Variants in STAG1 observed in about 807,000 individuals in gnomAD.
STAG1 encodes the protein cohesin subunit SA-1.
A neutral mutation model predicts 170.9 loss-of-function variants in STAG1; 26 were observed. The ratio of observed to expected loss-of-function variants is 0.15; its 90% CI spans 0.11 to 0.21. STAG1 has a LOEUF of 0.21. Among genes scored for constraint, STAG1 ranks in the 10% least tolerant of loss-of-function variants. The probability of loss-of-function intolerance (pLI) is 1.00; values close to 1 mark genes in which losing one functional copy is unlikely to be tolerated. For synonymous variants in STAG1, 514 were observed against 497.7 expected, an observed-to-expected ratio of 1.03 and a Z score of -0.44; for missense variants, 964 against 1,509.5, an observed-to-expected ratio of 0.64 and a Z score of 5.99.
chr3:136,454,024 G>A (rs1328957479), intron 13 of STAG1, among the ~76,000 whole-genome samples: 1 of 152,110 alleles, frequency 6.6e-6, no homozygotes, highest in Non-Finnish European at 1.5e-5. Context: ...AGAAGGTTCT[G>A]TTTAATGGGT....
intron 7 of STAG1, among the ~76,000 whole-genome samples, chr3:136,515,259 G>C (rs1934302180): frequency 2.6e-5 from 4 of 152,082 alleles, no homozygotes; most frequent in Non-Finnish European, 5.9e-5. Context: ...CAGCTACTCG[G>C]GAGGCTGAGG....
intron 21 of STAG1, among the ~76,000 whole-genome samples, chr3:136,409,175 A>C (rs767152546): frequency 9.2e-5 from 14 of 151,976 alleles, no homozygotes; most frequent in Non-Finnish European, 2.1e-4. Flanking sequence ...GAGGCAGGAG[A>C]ATTGGTTGAA....
At chr3:136,394,938 C>CAAA (rs778204800) in intron 22 of STAG1, among the ~76,000 whole-genome samples, 7 of 59,264 alleles carry the variant, frequency 1.2e-4, no homozygotes, top group Admixed American at 1.9e-4. Flanking sequence ...GACTCTGTCT[C>CAAA]AAAAAAAAAA....
intron 14 of STAG1, 25 bp downstream of exon 14, chr3:136,452,008 G>C: frequency 7.1e-7 from 1 of 1,400,782 alleles, no homozygotes; most frequent in Non-Finnish European, 9.9e-7. Flanking sequence ...AAAGAAATAA[G>C]GAATTATCTT....
At chr3:136,704,256 G>A (rs564477219) in intron 1 of STAG1, among the ~76,000 whole-genome samples, 10 of 151,612 alleles carry the variant, frequency 6.6e-5, no homozygotes, top group African/African-American at 2.2e-4. Context: ...TCACCATGTT[G>A]GCCAGGCTAG....
intron 1 of STAG1, among the ~76,000 whole-genome samples, chr3:136,645,500 A>G (rs7621970): frequency 0.36 from 55,295 of 152,014 alleles, 11,111 homozygotes; most frequent in African/African-American, 0.52. Flanking sequence ...ATACCTCTAG[A>G]TCTCAACATT....
intron 15 of STAG1, among the ~76,000 whole-genome samples, chr3:136,438,925 G>A (rs2088542304): frequency 6.6e-6 from 1 of 151,972 alleles, no homozygotes; most frequent in Non-Finnish European, 1.5e-5. Flanking sequence ...AGCCAGGTGT[G>A]GTGGCTCATT....
intron 3 of STAG1, among the ~76,000 whole-genome samples, chr3:136,608,535 C>T (rs955912468): frequency 1.4e-4 from 11 of 76,224 alleles, no homozygotes; most frequent in South Asian, 7.8e-4. Flanking sequence ...AAAAACAAAA[C>T]AACAAAAAGA....
Position 136,521,259 on chromosome 3 carries a change from C to T in STAG1, c.630G>A (p.Leu210=), listed in dbSNP as rs772057685. ...TAAAAGCTCTGACCTGGGAGTCTGA[C>T]AAACCCGTCAAAAGGGAGATTACTG... ...MDTVISLLTG[L]SDSQVRAFRH... is the part of the protein sequence containing the mutation. The change falls in exon 7 of 34, where the codon TTG becomes TTA. Residue 210 remains leucine (L), a synonymous_variant. Transcript: ENST00000383202. The T allele has an allele frequency of 1.2e-6, 2 of 1,613,614 alleles. No homozygotes were observed. Among genetic ancestry groups the T allele is most frequent in the African/African-American group, 1.3e-5 (1 of 74,872 alleles).
intron 1 of STAG1, among the ~76,000 whole-genome samples, chr3:136,685,322 C>CA (rs538799572): frequency 9.2e-6 from 1 of 108,606 alleles, no homozygotes; most frequent in African/African-American, 3.8e-5. Context: ...TCTCCAAAAA[C>CA]AAACAAACAA....
chr3:136,527,065 T>C (rs965539748), intron 6 of STAG1, among the ~76,000 whole-genome samples: 2 of 152,222 alleles, frequency 1.3e-5, no homozygotes, highest in South Asian at 2.1e-4. Context: ...CTGACAATTA[T>C]GTGTCTTGGA....
At chr3:136,580,350 T>C (rs1937564752) in intron 4 of STAG1, among the ~76,000 whole-genome samples, 1 of 151,878 alleles carries the variant, frequency 6.6e-6, no homozygotes, top group African/African-American at 2.4e-5. Context: ...CAATAAATAC[T>C]AGGTAAATAA....
intron 28 of STAG1, among the ~76,000 whole-genome samples, chr3:136,354,341 G>A (rs939087471): frequency 6.6e-6 from 1 of 152,182 alleles, no homozygotes; most frequent in African/African-American, 2.4e-5. Context: ...CGTCCAGGGT[G>A]GAGTGCAGTG....
At chr3:136,534,296 A>T (rs1935516194) in intron 6 of STAG1, among the ~76,000 whole-genome samples, 1 of 152,184 alleles carries the variant, frequency 6.6e-6, no homozygotes, top group Non-Finnish European at 1.5e-5. Flanking sequence ...AACCTATAAA[A>T]CTAGTAGAAG....
rs906030570 is a variant in STAG1, at chr3:136,591,059, TTATTA to T, written c.297+13245_297+13249del. Among the ~76,000 whole-genome samples, 6 of 151,466 alleles carry T rather than the reference TTATTA, an allele frequency of 4.0e-5. No individual in the cohort carries two copies. In the South Asian group the frequency reaches 6.2e-4, roughly 16 times the overall value. ...TTTCACTTTATGCTTTCCCCATATT[TTATTA>T]TATTTCATTAGATTTGTTATATTAA... On this transcript the variant is annotated intron_variant, in intron 4 of 33. Coordinates refer to ENST00000383202, the MANE Select transcript of STAG1 (RefSeq NM_005862.3).
intron 1 of STAG1, among the ~76,000 whole-genome samples, chr3:136,711,725 A>G (rs919250887): frequency 1.3e-5 from 2 of 152,146 alleles, no homozygotes; most frequent in African/African-American, 4.8e-5. Flanking sequence ...TGAAAACACA[A>G]CACTCCAGAG....
intron 28 of STAG1, among the ~76,000 whole-genome samples, chr3:136,351,062 A>G (rs1936416428): frequency 6.6e-6 from 1 of 152,164 alleles, no homozygotes; most frequent in African/African-American, 2.4e-5. Context: ...AATATATATT[A>G]TTTTTTAAAA....
intron 1 of STAG1, among the ~76,000 whole-genome samples, chr3:136,729,830 C>T (rs1576822603): frequency 1.3e-5 from 2 of 149,952 alleles, no homozygotes; most frequent in Middle Eastern, 3.6e-3. Flanking sequence ...CCACCCACCT[C>T]GCCCTCTCAA....
Position 136,343,870 on chromosome 3 carries a change from A to G in STAG1, c.3408T>C (p.Pro1136=). 1.9e-6 allele frequency: 3 copies of G among 1,597,802 alleles called. No individual in the cohort carries two copies. Among genetic ancestry groups the G allele is most frequent in the Non-Finnish European group, 2.6e-6 (3 of 1,172,794 alleles). ...CTGGTTCAGAACCATGTTCAGACTC[A>G]GGTTCTTGAATCTGGTCTCCCATGG... The part of the protein sequence containing the change: ...SRPMGDQIQE[P]ESEHGSEPDF... Residue 1136 remains proline, a synonymous_variant, in exon 30 of 34, where the codon CCT becomes CCC. Coordinates refer to ENST00000383202, the MANE Select transcript of STAG1 (RefSeq NM_005862.3).
Sources: gnomAD v4.1 joint callset for allele counts (sites outside exome capture counted in the v4.1 genomes callset) on GRCh38, gnomAD v4.1.1 for gene constraint, MANE v1.5 for transcripts, NCBI Gene and HGNC (gene_info 2026-07-23, HGNC 2026-07-21) for gene names.